Variants in GPHN observed in about 807,000 individuals in gnomAD.
GPHN encodes gephyrin.
In GPHN, 17 loss-of-function variants were observed where a neutral mutation model predicts 95.5. That is an observed-to-expected ratio of 0.18 (90% CI 0.12 to 0.27). The LOEUF (loss-of-function observed/expected upper bound fraction) is 0.27. Among genes scored for constraint, GPHN ranks in the 10% least tolerant of loss-of-function variants. The pLI is 1.00. For missense variants in GPHN, 660 were observed against 978.1 expected, an observed-to-expected ratio of 0.67 and a Z score of 4.34; for synonymous variants, 320 against 322.5, an observed-to-expected ratio of 0.99 and a Z score of 0.08.
In GPHN at chr14:67,176,372, A is replaced by G. The variant is rs577683626; in HGVS notation, c.2080-3206A>G. Among the ~76,000 whole-genome samples the G allele has an allele frequency of 7.9e-5, 12 of 152,230 alleles. No individual in the cohort carries two copies. The South Asian group carries it at 2.1e-3, about 26-fold the overall frequency. On this transcript the variant is annotated intron_variant, in intron 21 of 22. Transcript: ENST00000478722. ...GTCGTTGGTTCTGTTTATGTGATGG[A>G]TTACGTCTATTGATTTGCATATGTT...
chr14:66,637,704 G>A (rs1030413813), intron 1 of GPHN, among the ~76,000 whole-genome samples: 2 of 152,074 alleles, frequency 1.3e-5, no homozygotes, highest in Non-Finnish European at 2.9e-5. Context: ...AAAATCATGT[G>A]TATTATATAT....
the GPHN span, chr14:67,600,020 T>C: frequency 2.6e-6 from 4 of 1,555,354 alleles, no homozygotes; most frequent in Non-Finnish European, 3.5e-6. Context: ...CGACTTGCCA[T>C]TACCTCGCAG....
At chr14:67,248,751 C>T in the GPHN span, among the ~76,000 whole-genome samples, 1 of 152,114 alleles carries the variant, frequency 6.6e-6, no homozygotes, top group Non-Finnish European at 1.5e-5. Flanking sequence ...ATGACTTTTC[C>T]AATAAAACTT....
At chr14:67,399,564 C>T in the GPHN span, among the ~76,000 whole-genome samples, 2 of 126,414 alleles carry the variant, frequency 1.6e-5, no homozygotes, top group South Asian at 2.6e-4. Flanking sequence ...GTTTAGGTGG[C>T]TGTCAGGTGG....
intron 1 of GPHN, among the ~76,000 whole-genome samples, chr14:66,572,792 C>T (rs1213844080): frequency 1.3e-5 from 2 of 152,090 alleles, no homozygotes; most frequent in Non-Finnish European, 2.9e-5. Flanking sequence ...CCATTAACTA[C>T]GTTGAATAGA....
At chr14:67,466,421 G>A in the GPHN span, among the ~76,000 whole-genome samples, 1 of 152,248 alleles carries the variant, frequency 6.6e-6, no homozygotes, top group Non-Finnish European at 1.5e-5. Flanking sequence ...GGGATTAATG[G>A]TTTGGAAAGA....
intron 13 of GPHN, among the ~76,000 whole-genome samples, chr14:67,103,345 T>C (rs1421002404): frequency 6.6e-6 from 1 of 152,054 alleles, no homozygotes; most frequent in African/African-American, 2.4e-5. Context: ...CTATTTGGAG[T>C]CTCTTGTGGT....
chr14:66,860,254 A>T (rs2062973726), intron 4 of GPHN, among the ~76,000 whole-genome samples: 1 of 152,174 alleles, frequency 6.6e-6, no homozygotes, highest in Admixed American at 6.5e-5. Context: ...CATACAACGG[A>T]GCTCTACTAC....
chr14:67,095,767 T>C (rs944662669), intron 12 of GPHN, among the ~76,000 whole-genome samples: 1 of 151,398 alleles, frequency 6.6e-6, no homozygotes, highest in African/African-American at 2.4e-5. Flanking sequence ...CATCACACTC[T>C]GGGGACTGTT....
At chr14:67,645,688 C>G in the GPHN span, 2 of 1,614,044 alleles carry the variant, frequency 1.2e-6, no homozygotes, top group South Asian at 1.1e-5. Flanking sequence ...ACTGCCCAGA[C>G]CTTTGTGTTG....
At chr14:66,530,020 G>A (rs1594837893) in intron 1 of GPHN, among the ~76,000 whole-genome samples, 1 of 152,134 alleles carries the variant, frequency 6.6e-6, no homozygotes, top group African/African-American at 2.4e-5. Flanking sequence ...AGGCAGGGAC[G>A]TTTAAGTCTG....
At chr14:66,910,932 T>TA (rs1471993590) in intron 5 of GPHN, among the ~76,000 whole-genome samples, 2 of 152,120 alleles carry the variant, frequency 1.3e-5, no homozygotes, top group East Asian at 3.9e-4. Flanking sequence ...AAATGAACTA[T>TA]AGCTATGCAT....
chr14:67,564,709 C>CA, the GPHN span, among the ~76,000 whole-genome samples: 4 of 143,814 alleles, frequency 2.8e-5, no homozygotes, highest in African/African-American at 1.0e-4. Flanking sequence ...TTTTTTGAGA[C>CA]AGAGTCTTGC....
intron 2 of GPHN, among the ~76,000 whole-genome samples, chr14:66,686,291 T>G (rs184885709): frequency 6.6e-6 from 1 of 152,312 alleles, no homozygotes; most frequent in Non-Finnish European, 1.5e-5. Flanking sequence ...AAGAAAGTCA[T>G]GGTAGCTTGA....
the GPHN span, among the ~76,000 whole-genome samples, chr14:67,524,054 G>A: frequency 6.6e-6 from 1 of 152,054 alleles, no homozygotes; most frequent in Non-Finnish European, 1.5e-5. Flanking sequence ...GGAACTGGCC[G>A]CTCAGAGACC....
intron 1 of GPHN, among the ~76,000 whole-genome samples, chr14:66,591,315 G>T (rs951677434): frequency 5.3e-5 from 8 of 152,138 alleles, no homozygotes; most frequent in Non-Finnish European, 1.2e-4. Flanking sequence ...GGGCAATCAG[G>T]CAAGAGAAAG....
At chr14:67,532,810 T>C in the GPHN span, among the ~76,000 whole-genome samples, 12 of 152,238 alleles carry the variant, frequency 7.9e-5, no homozygotes, top group Non-Finnish European at 1.5e-4. Context: ...ATCCAGACGT[T>C]ACAGTTCCCA....
chr14:67,594,208 A>G, the GPHN span, among the ~76,000 whole-genome samples: 2 of 152,174 alleles, frequency 1.3e-5, no homozygotes, highest in Admixed American at 6.5e-5. Flanking sequence ...AATCAGCTGA[A>G]CGCAGTAGCT....
intron 9 of GPHN, among the ~76,000 whole-genome samples, chr14:66,971,798 T>G (rs1375228152): frequency 6.6e-6 from 1 of 152,176 alleles, no homozygotes; most frequent in African/African-American, 2.4e-5. Flanking sequence ...ACACATATAT[T>G]GGTCATTTGG....
Sources: gnomAD v4.1 joint callset for allele counts (sites outside exome capture counted in the v4.1 genomes callset) on GRCh38, gnomAD v4.1.1 for gene constraint, MANE v1.5 for transcripts, NCBI Gene and HGNC (gene_info 2026-07-23, HGNC 2026-07-21) for gene names.